Variants in RIOK3 observed in about 807,000 individuals in gnomAD.
The protein encoded by RIOK3 is RIO kinase 3.
RIOK3 carries 40 observed loss-of-function variants against 63.5 expected under a neutral mutation model. The ratio of observed to expected loss-of-function variants is 0.63; its 90% CI spans 0.49 to 0.82. The LOEUF (loss-of-function observed/expected upper bound fraction) is 0.82. Ranked by LOEUF, RIOK3 falls within the 40% of genes least tolerant of loss-of-function variation. The pLI, the probability that RIOK3 is intolerant of heterozygous loss-of-function variation, is 0.00. For missense variants in RIOK3, 557 were observed against 637.0 expected (o/e 0.87, Z 1.35); for synonymous variants, 193 against 205.0 (o/e 0.94, Z 0.50).
intron 6 of RIOK3, 79 bp from the exon 7 acceptor site, chr18:23,467,320 A>G: frequency 6.9e-7 from 1 of 1,442,066 alleles, no homozygotes. Context: ...GTCTCAAAAA[A>G]AAAAAGTTAT....
chr18:23,470,642 G>A (rs1224420499), intron 7 of RIOK3, among the ~76,000 whole-genome samples: 1 of 152,164 alleles, frequency 6.6e-6, no homozygotes, highest in Non-Finnish European at 1.5e-5. Flanking sequence ...GGGTGGGAGA[G>A]TTGAAGTTTA....
At chr18:23,465,389 A>G (rs1343372754) in intron 5 of RIOK3, among the ~76,000 whole-genome samples, 1 of 152,204 alleles carries the variant, frequency 6.6e-6, no homozygotes, top group African/African-American at 2.4e-5. Flanking sequence ...CAAACAAAAA[A>G]AAAGCATTCT....
chr18:23,463,236 T>C lies in RIOK3; in HGVS notation c.179+157T>C, dbSNP rs11082517. On this transcript the variant is annotated intron_variant, in intron 2 of 12. Transcript: ENST00000339486. Reference sequence around the variant, plus strand: ...CTTGAATTTTGGTCCTGATTTTGCATTGGTTTTCATTATTATCTTGGACAA... The same window carrying C: ...CTTGAATTTTGGTCCTGATTTTGCACTGGTTTTCATTATTATCTTGGACAA... 4.5e-3 allele frequency: 2,395 copies of C among 527,110 alleles called. 54 individuals are homozygous for C. Among genetic ancestry groups the C allele is most frequent in the African/African-American group, 0.042 (2,175 of 51,276 alleles). 32.7% of individuals were successfully genotyped at this position (527,110 alleles called of 1,614,324 possible). A position where few individuals can be genotyped will look rare whatever the true frequency, so the allele number is the denominator to read the frequency against.
intron 11 of RIOK3, among the ~76,000 whole-genome samples, chr18:23,478,379 G>A: frequency 6.6e-6 from 1 of 152,044 alleles, no homozygotes; most frequent in East Asian, 1.9e-4. Context: ...ACCAGCCTGG[G>A]CAACATAGTG....
chr18:23,469,336 T>TCTCTCTCTCTCTCCCC (rs1489200436), intron 7 of RIOK3, among the ~76,000 whole-genome samples: 3 of 14,536 alleles, frequency 2.1e-4, no homozygotes, highest in East Asian at 3.8e-3. Flanking sequence ...TCTCTCTCTC[T>TCTCTCTCTCTCTCCCC]CCCCCTCTCT....
chr18:23,473,903 A>G (rs749671733), intron 8 of RIOK3, among the ~76,000 whole-genome samples: 1 of 152,192 alleles, frequency 6.6e-6, no homozygotes, highest in Non-Finnish European at 1.5e-5. Context: ...TCCAGCATCC[A>G]ATTAGGCTTA....
Position 23,453,414 on chromosome 18 carries a change from G to C in RIOK3, c.-26G>C, listed in dbSNP as rs1232111999. The C allele has an allele frequency of 1.9e-6, 3 of 1,603,244 alleles. No individual in the cohort carries two copies. The highest frequency in any genetic ancestry group is 2.7e-5 in the African/African-American group (2 of 74,702). ...GCCCGTCCTGCCACCTCTCTGCTCTGTTCTTGTCTCTGCCTTCATTCCCGA... is the reference window on the plus strand; with the variant it reads ...GCCCGTCCTGCCACCTCTCTGCTCTCTTCTTGTCTCTGCCTTCATTCCCGA... On this transcript the variant is annotated 5_prime_UTR_variant, in exon 1 of 13. Coordinates refer to ENST00000339486, the MANE Select transcript of RIOK3 (RefSeq NM_003831.5).
intron 1 of RIOK3, among the ~76,000 whole-genome samples, chr18:23,461,374 A>G (rs1406888478): frequency 6.6e-6 from 1 of 152,260 alleles, no homozygotes; most frequent in African/African-American, 2.4e-5. Context: ...AAGGAGATGG[A>G]ACCCATCACA....
chr18:23,459,854 A>T (rs146803305), intron 1 of RIOK3, among the ~76,000 whole-genome samples: 31 of 152,222 alleles, frequency 2.0e-4, no homozygotes, highest in African/African-American at 7.2e-4. Context: ...AGTATAAAAA[A>T]TACTAATTTT....
chr18:23,464,955 G>A (rs73967105), intron 5 of RIOK3, among the ~76,000 whole-genome samples: 1,877 of 152,224 alleles, frequency 0.012, 48 homozygotes, highest in African/African-American at 0.043. Context: ...TAACGGTGGC[G>A]ATTGGGGAAT....
intron 11 of RIOK3, 74 bp from the exon 12 acceptor site, chr18:23,479,243 G>T: frequency 1.1e-6 from 1 of 887,652 alleles, no homozygotes; most frequent in South Asian, 1.4e-5. Context: ...TTATAAATGT[G>T]CTGCTCCCTG....
chr18:23,478,049 G>T (rs959081366), intron 11 of RIOK3, among the ~76,000 whole-genome samples: 1 of 150,030 alleles, frequency 6.7e-6, no homozygotes, highest in Non-Finnish European at 1.5e-5. Flanking sequence ...TCCAGCCTGG[G>T]TGACAGAGCA....
At chr18:23,456,175 C>G (rs893001720) in intron 1 of RIOK3, among the ~76,000 whole-genome samples, 1 of 151,550 alleles carries the variant, frequency 6.6e-6, no homozygotes, top group Admixed American at 6.6e-5. Flanking sequence ...CAAGCAGTAC[C>G]CCACCCCCTT....
chr18:23,475,462 C>CAAAAAAAAAAAA (rs60717269), intron 9 of RIOK3, among the ~76,000 whole-genome samples: 8 of 99,288 alleles, frequency 8.1e-5, no homozygotes, highest in African/African-American at 1.3e-4. Flanking sequence ...GACTCTGTCT[C>CAAAAAAAAAAAA]AAAAAAAAAA....
At position 23,472,555 on chromosome 18, in the gene RIOK3, T is replaced by C. The variant is rs114609294; in HGVS notation, c.816-874T>C. On this transcript the variant is annotated intron_variant, in intron 7 of 12. Transcript: ENST00000339486. ...CCACCATCATGACTGAAGCTCACTA[T>C]TGGGGGACTATTGCAGTAGCATCCT... Among the ~76,000 whole-genome samples the C allele has an allele frequency of 9.5e-3, 1,449 of 152,320 alleles. 27 individuals are homozygous for C. Among genetic ancestry groups the C allele is most frequent in the African/African-American group, 0.033 (1,375 of 41,568 alleles).
chr18:23,476,136 C>T lies in RIOK3; in HGVS notation c.1174-870C>T, dbSNP rs193114188. 1.9e-3 allele frequency among the ~76,000 whole-genome samples: 290 copies of T among 151,994 alleles called. 2 individuals carry two copies. Among genetic ancestry groups the T allele is most frequent in the Non-Finnish European group, 3.5e-3 (236 of 67,986 alleles). Reference sequence around the variant, plus strand: ...GAAGGAAAGGAAGCAGGTCTGGTCTCATCATAAGAGAGTGATGATGAAAAT... The same window carrying T: ...GAAGGAAAGGAAGCAGGTCTGGTCTTATCATAAGAGAGTGATGATGAAAAT... On this transcript the variant is annotated intron_variant, in intron 9 of 12. Coordinates refer to ENST00000339486, the MANE Select transcript of RIOK3 (RefSeq NM_003831.5).
Position 23,474,887 on chromosome 18 carries a change from A to G in RIOK3, c.1014-61A>G, listed in dbSNP as rs986895294. ...CAGGCCCTGATTAGATATTTATTGAATAAATGACATATTTTCTCTCCTTCT... is the reference window on the plus strand; with the variant it reads ...CAGGCCCTGATTAGATATTTATTGAGTAAATGACATATTTTCTCTCCTTCT... On this transcript the variant is annotated intron_variant, in intron 8 of 12. Transcript: ENST00000339486. 7 of 1,289,496 alleles carry G rather than the reference A, an allele frequency of 5.4e-6. No homozygotes were observed. In the African/African-American group the frequency reaches 7.4e-5, roughly 14 times the overall value. The allele number at this position is 1,289,496 out of a possible 1,614,324, so 79.9% of individuals were successfully genotyped here. A position where few individuals can be genotyped will look rare whatever the true frequency, so the allele number is the denominator to read the frequency against.
intron 6 of RIOK3, 136 bp downstream of exon 6, chr18:23,466,412 T>C (rs894462526): frequency 8.3e-6 from 6 of 723,950 alleles, no homozygotes; most frequent in Non-Finnish European, 2.1e-6. Context: ...TGTAAATAAA[T>C]CCAGCCACTG....
intron 1 of RIOK3, among the ~76,000 whole-genome samples, chr18:23,462,057 C>T (rs1333997380): frequency 6.8e-6 from 1 of 146,686 alleles, no homozygotes; most frequent in South Asian, 2.2e-4. Context: ...CGCCACTGTA[C>T]TCCAGCCTGG....
Sources: allele counts gnomAD v4.1 joint callset (sites outside exome capture counted in the v4.1 genomes callset), GRCh38; gene constraint gnomAD v4.1.1; transcripts MANE v1.5; gene names NCBI Gene and HGNC (gene_info 2026-07-23, HGNC 2026-07-21).